The following DLGAP1 variants were observed in gnomAD, a reference collection of about 807,000 sequenced individuals.
The protein encoded by DLGAP1 is disks large-associated protein 1.
A neutral mutation model predicts 90.8 loss-of-function variants in DLGAP1; 11 were observed. That is an observed-to-expected ratio of 0.12 (90% confidence interval 0.08 to 0.20). DLGAP1 has a LOEUF of 0.20. Ranked by LOEUF, DLGAP1 falls within the 10% of genes least tolerant of loss-of-function variation. DLGAP1 has a pLI of 1.00. For synonymous variants in DLGAP1, 558 were observed against 540.7 expected, an observed-to-expected ratio of 1.03 and a Z score of -0.44; for missense variants, 1,050 against 1,333.8, an observed-to-expected ratio of 0.79 and a Z score of 3.31.
intron 7 of DLGAP1, among the ~76,000 whole-genome samples, chr18:3,669,613 A>AG (rs748862931): frequency 6.6e-6 from 1 of 152,166 alleles, no homozygotes; most frequent in Non-Finnish European, 1.5e-5. Flanking sequence ...CTGCGGAATG[A>AG]GGGAGAGTTG....
In DLGAP1 at chr18:3,631,702, G is replaced by T. The variant is rs141180896; in HGVS notation, c.1592-49454C>A. ...GTAGAAACTGCAGTAAGCCGTGATT[G>T]CACCACTGTACTCCAGCCTGGGCAA... On this transcript the variant is annotated intron_variant, in intron 7 of 12. Coordinates refer to ENST00000315677, the MANE Select transcript of DLGAP1 (RefSeq NM_004746.4). 1.0e-3 allele frequency among the ~76,000 whole-genome samples: 159 copies of T among 152,156 alleles called. 1 individual carries two copies. The highest frequency in any genetic ancestry group is 3.5e-3 in the African/African-American group (146 of 41,508).
intron 2 of DLGAP1, among the ~76,000 whole-genome samples, chr18:4,047,463 A>C (rs2075071097): frequency 6.6e-6 from 1 of 152,258 alleles, no homozygotes; most frequent in African/African-American, 2.4e-5. Context: ...AATAGTAATA[A>C]ATGGATACAA....
intron 9 of DLGAP1, among the ~76,000 whole-genome samples, chr18:3,560,494 G>T (rs1437776200): frequency 6.8e-6 from 1 of 146,510 alleles, no homozygotes; most frequent in East Asian, 2.0e-4. Context: ...GGAGGCTGAT[G>T]CAGGAGAATT....
In DLGAP1 at chr18:3,606,204, C is replaced by T. The variant is rs139767234; in HGVS notation, c.1592-23956G>A. ...CCAGAACAAGCTCTAATGTCTGTCTCATTCCTGAGCCTTGGTGCCTTGACG... is the reference window on the plus strand; with the variant it reads ...CCAGAACAAGCTCTAATGTCTGTCTTATTCCTGAGCCTTGGTGCCTTGACG... On this transcript the variant is annotated intron_variant, in intron 7 of 12. Transcript: ENST00000315677. 1.7e-3 allele frequency among the ~76,000 whole-genome samples: 264 copies of T among 152,312 alleles called. 1 individual carries two copies. Among genetic ancestry groups the T allele is most frequent in the African/African-American group, 6.1e-3 (252 of 41,572 alleles).
intron 4 of DLGAP1, among the ~76,000 whole-genome samples, chr18:3,863,078 T>C (rs1454060810): frequency 6.6e-6 from 1 of 152,242 alleles, no homozygotes; most frequent in Non-Finnish European, 1.5e-5. Flanking sequence ...GAAATGTTGA[T>C]TGAGGGATTA....
chr18:4,099,440 T>C (rs1266178632), intron 2 of DLGAP1, among the ~76,000 whole-genome samples: 1 of 152,216 alleles, frequency 6.6e-6, no homozygotes, highest in African/African-American at 2.4e-5. Flanking sequence ...ATGATTTTTT[T>C]CAGTTTCCCA....
At chr18:4,328,815 G>A (rs2080883505) in intron 1 of DLGAP1, among the ~76,000 whole-genome samples, 1 of 151,710 alleles carries the variant, frequency 6.6e-6, no homozygotes, top group Non-Finnish European at 1.5e-5. Flanking sequence ...ATCTACTTAG[G>A]TACTTATTTG....
chr18:4,364,200 G>A (rs1360971586), intron 1 of DLGAP1, among the ~76,000 whole-genome samples: 1 of 137,252 alleles, frequency 7.3e-6, no homozygotes, highest in African/African-American at 2.7e-5. Flanking sequence ...GGTGGGAATT[G>A]AACAATGAGA....
At chr18:4,197,178 T>G (rs1172871200) in intron 1 of DLGAP1, among the ~76,000 whole-genome samples, 2 of 36,972 alleles carry the variant, frequency 5.4e-5, no homozygotes. Context: ...GTCTCAAATT[T>G]AAAAAAAAGT....
chr18:3,999,289 T>C, intron 3 of DLGAP1, among the ~76,000 whole-genome samples: 1 of 152,192 alleles, frequency 6.6e-6, no homozygotes, highest in East Asian at 1.9e-4. Context: ...AACATACATA[T>C]TATTATTAAA....
At chr18:3,924,956 T>C (rs2072348058) in intron 3 of DLGAP1, among the ~76,000 whole-genome samples, 1 of 152,082 alleles carries the variant, frequency 6.6e-6, no homozygotes, top group Non-Finnish European at 1.5e-5. Flanking sequence ...TCAGTTTTTG[T>C]TGCATTTTTT....
intron 1 of DLGAP1, among the ~76,000 whole-genome samples, chr18:4,305,040 A>G (rs1362333804): frequency 6.6e-6 from 1 of 152,206 alleles, no homozygotes; most frequent in East Asian, 1.9e-4. Context: ...TCTTGAGACT[A>G]ATAAATATTA....
chr18:4,136,571 AT>A (rs2076404778), intron 2 of DLGAP1, among the ~76,000 whole-genome samples: 2 of 152,196 alleles, frequency 1.3e-5, no homozygotes, highest in Admixed American at 6.5e-5. Flanking sequence ...TATTTTGCAT[AT>A]TTTTAAATTG....
intron 3 of DLGAP1, chr18:3,978,155 T>TG: frequency 4.4e-6 from 2 of 450,656 alleles, no homozygotes; most frequent in Non-Finnish European, 8.8e-6. Flanking sequence ...CCTTGGCTGG[T>TG]GGGGGGCAAA....
chr18:3,842,768 G>C (rs1258051595), intron 4 of DLGAP1, among the ~76,000 whole-genome samples: 1 of 152,154 alleles, frequency 6.6e-6, no homozygotes, highest in Admixed American at 6.5e-5. Flanking sequence ...CTCTTGGGAA[G>C]ATACTGAGTG....
intron 7 of DLGAP1, chr18:3,603,138 T>G (rs2057157631): frequency 6.6e-6 from 1 of 152,196 alleles, no homozygotes; most frequent in Non-Finnish European, 1.5e-5. Flanking sequence ...TGATGGTCCC[T>G]GCTCCGAGGT....
chr18:4,157,750 G>T (rs1390607370), intron 1 of DLGAP1, among the ~76,000 whole-genome samples: 1 of 152,138 alleles, frequency 6.6e-6, no homozygotes, highest in East Asian at 1.9e-4. Context: ...AATTCTGGGG[G>T]ATGCACAATT....
intron 7 of DLGAP1, among the ~76,000 whole-genome samples, chr18:3,700,857 C>G (rs970185494): frequency 6.6e-6 from 1 of 151,804 alleles, no homozygotes; most frequent in African/African-American, 2.4e-5. Context: ...GATCCGCCCA[C>G]CTCGGCCTCC....
At chr18:4,358,796 T>C (rs1172319516) in intron 1 of DLGAP1, among the ~76,000 whole-genome samples, 4 of 152,368 alleles carry the variant, frequency 2.6e-5, no homozygotes, top group Middle Eastern at 6.8e-3. Flanking sequence ...TAGCACCTGC[T>C]GTGCAGGTAT....
Sources: gnomAD v4.1 joint callset for allele counts (sites outside exome capture counted in the v4.1 genomes callset) on GRCh38, gnomAD v4.1.1 for gene constraint, MANE v1.5 for transcripts, NCBI Gene and HGNC (gene_info 2026-07-23, HGNC 2026-07-21) for gene names.